RNF212: variants seen among roughly 807,000 people sequenced by gnomAD.
The protein encoded by RNF212 is ring finger protein 212.
A neutral mutation model predicts 34.7 loss-of-function variants in RNF212; 33 were observed. That is an observed-to-expected ratio of 0.95 (90% CI 0.72 to 1.27). The LOEUF is 1.27. Among genes scored for constraint, RNF212 ranks in the 50% most tolerant of loss-of-function variants. The pLI, the probability that RNF212 is intolerant of heterozygous loss-of-function variation, is 0.00. For synonymous variants in RNF212, 140 were observed against 136.1 expected, an observed-to-expected ratio of 1.03 and a Z score of -0.20; for missense variants, 377 against 362.2, an observed-to-expected ratio of 1.04 and a Z score of -0.33.
At chr4:1,080,366 C>T (rs1384236915) in intron 7 of RNF212, among the ~76,000 whole-genome samples, 2 of 152,184 alleles carry the variant, frequency 1.3e-5, no homozygotes, top group Non-Finnish European at 2.9e-5. Context: ...TTAACTTTCT[C>T]ATACCAGAGG....
chr4:1,065,644 A>G (rs981485003), intron 3 of RNF212, among the ~76,000 whole-genome samples: 5 of 152,106 alleles, frequency 3.3e-5, no homozygotes, highest in Non-Finnish European at 7.4e-5. Flanking sequence ...TTTTTTGTAG[A>G]GAGGGGGTTT....
intron 3 of RNF212, among the ~76,000 whole-genome samples, chr4:1,059,640 T>C (rs924803559): frequency 6.6e-6 from 1 of 152,248 alleles, no homozygotes; most frequent in Non-Finnish European, 1.5e-5. Flanking sequence ...TCTGGGGAAC[T>C]ATGAGTGGAA....
intron 8 of RNF212, among the ~76,000 whole-genome samples, chr4:1,075,508 T>C (rs958144201): frequency 1.3e-5 from 2 of 152,140 alleles, no homozygotes; most frequent in Non-Finnish European, 2.9e-5. Flanking sequence ...CCAGATCTCG[T>C]GAGAACTCAC....
At position 1,093,525 on chromosome 4, in the gene RNF212, T is replaced by C. The variant is rs57677641; in HGVS notation, c.247-2687A>G. 7,983 of 1,384,402 alleles carry C rather than the reference T, an allele frequency of 5.8e-3. 67 individuals are homozygous for C. The highest frequency in any genetic ancestry group is 0.035 in the East Asian group (1,313 of 37,318). 85.8% of individuals were successfully genotyped at this position (1,384,402 alleles called of 1,614,324 possible). A position where few individuals can be genotyped will look rare whatever the true frequency, so the allele number is the denominator to read the frequency against. The stretch of plus-strand genomic sequence containing the variant: ...ACAAACAGTGGGGCCACGAGGTCAC[T>C]GGGCAGAGCCTGTGACCTCCACGGC... On this transcript the variant is annotated intron_variant, in intron 3 of 9. Coordinates refer to ENST00000433731, the MANE Select transcript of RNF212 (RefSeq NM_001131034.4).
At chr4:1,093,753 G>C (rs1331432594) in intron 3 of RNF212, 1 of 1,536,272 alleles carries the variant, frequency 6.5e-7, no homozygotes, top group Non-Finnish European at 8.7e-7. Flanking sequence ...TGGCCCCAAG[G>C]GGACTTGGTG....
downstream of RNF212, among the ~76,000 whole-genome samples, chr4:1,070,045 A>G (rs11731238): frequency 0.17 from 24,575 of 142,214 alleles, 3,247 homozygotes; most frequent in African/African-American, 0.38. Flanking sequence ...GTTTCGTAGG[A>G]CTATGCTGTC....
chr4:1,080,463 G>A (rs1275557489), intron 7 of RNF212, among the ~76,000 whole-genome samples: 1 of 152,118 alleles, frequency 6.6e-6, no homozygotes, highest in African/African-American at 2.4e-5. Flanking sequence ...GCCTCCCAGT[G>A]GCCACCTCCC....
chr4:1,078,576 C>G (rs1719719647), intron 8 of RNF212, among the ~76,000 whole-genome samples: 2 of 152,206 alleles, frequency 1.3e-5, no homozygotes. Context: ...TTTTCCTGGG[C>G]TGACAAAGTT....
chr4:1,096,680 A>C (rs183671363), intron 3 of RNF212, 85 bp downstream of exon 3: 1 of 877,640 alleles, frequency 1.1e-6, no homozygotes. Flanking sequence ...TCATCACAGA[A>C]CCAAGCACAC....
Position 1,079,780 on chromosome 4 carries a change from A to T in RNF212, c.465-92T>A, listed in dbSNP as rs1720032222. 4 of 877,606 alleles carry T rather than the reference A, an allele frequency of 4.6e-6. No homozygotes were observed. The African/African-American group carries it at 4.9e-5, about 11-fold the overall frequency. 54.4% of individuals were successfully genotyped at this position (877,606 alleles called of 1,614,324 possible). On this transcript the variant is annotated intron_variant, in intron 7 of 9. Transcript: ENST00000433731. ...TACACACATGACGAGATGATGTGTA[A>T]ATGTCTAAATCTTCCTCTAGCTTCA...
At chr4:1,066,332 G>C (rs1031778405) in intron 3 of RNF212, among the ~76,000 whole-genome samples, 1 of 151,766 alleles carries the variant, frequency 6.6e-6, no homozygotes, top group African/African-American at 2.4e-5. Flanking sequence ...GCTGCCCTCC[G>C]CTTTTCTTTT....
At chr4:1,062,742 C>T (rs376583633) in intron 3 of RNF212, among the ~76,000 whole-genome samples, 12 of 152,072 alleles carry the variant, frequency 7.9e-5, no homozygotes, top group South Asian at 2.1e-4. Flanking sequence ...TAAAAGGCAT[C>T]GTGGTTGGAA....
At chr4:1,075,517 A>T (rs1346363437) in intron 8 of RNF212, among the ~76,000 whole-genome samples, 3 of 152,108 alleles carry the variant, frequency 2.0e-5, no homozygotes, top group Non-Finnish European at 4.4e-5. Flanking sequence ...GTGAGAACTC[A>T]CCCACCATGG....
chr4:1,099,312 T>G (rs589660), intron 2 of RNF212, among the ~76,000 whole-genome samples: 124,093 of 152,204 alleles, frequency 0.82, 52,210 homozygotes, highest in East Asian at 1. Flanking sequence ...AGCCCAGCAC[T>G]AAAATAAATA....
intron 3 of RNF212, chr4:1,094,027 C>A: frequency 6.7e-7 from 1 of 1,481,962 alleles, no homozygotes; most frequent in South Asian, 1.2e-5. Context: ...GTGGGTGATT[C>A]AGGCTGTTTC....
intron 9 of RNF212, 146 bp downstream of exon 9, chr4:1,073,453 G>T: frequency 1.4e-6 from 1 of 734,452 alleles, no homozygotes; most frequent in Non-Finnish European, 2.3e-6. Context: ...GCACCATTTT[G>T]GTGAATATGT....
chr4:1,059,141 C>T (rs1286932165), intron 3 of RNF212, among the ~76,000 whole-genome samples: 1 of 152,240 alleles, frequency 6.6e-6, no homozygotes, highest in Non-Finnish European at 1.5e-5. Flanking sequence ...GCCCTGCCTG[C>T]TGCGGCACGT....
chr4:1,103,892 A>G (rs1724412605), intron 2 of RNF212, among the ~76,000 whole-genome samples: 1 of 152,216 alleles, frequency 6.6e-6, no homozygotes, highest in South Asian at 2.1e-4. Context: ...AATGCTGTAA[A>G]AAAAAGGAAG....
intron 3 of RNF212, among the ~76,000 whole-genome samples, chr4:1,094,346 GA>G (rs1229781688): frequency 2.0e-5 from 3 of 152,216 alleles, no homozygotes; most frequent in Non-Finnish European, 2.9e-5. Context: ...AAGGAGGCCA[GA>G]AGTGCCACTC....
Sources: gnomAD v4.1 joint callset for allele counts (sites outside exome capture counted in the v4.1 genomes callset) on GRCh38, gnomAD v4.1.1 for gene constraint, MANE v1.5 for transcripts, NCBI Gene and HGNC (gene_info 2026-07-23, HGNC 2026-07-21) for gene names.